Variants in IMMP2L observed in about 807,000 individuals in gnomAD.
The protein encoded by IMMP2L is mitochondrial inner membrane protease subunit 2.
In IMMP2L, 18 loss-of-function variants were observed where a neutral mutation model predicts 19.3. The observed-to-expected ratio is 0.93, with a 90% CI of 0.64 to 1.38. IMMP2L has a LOEUF of 1.38. Among genes scored for constraint, IMMP2L ranks in the 40% most tolerant of loss-of-function variants. The pLI, the probability that IMMP2L is intolerant of heterozygous loss-of-function variation, is 0.00. For missense variants in IMMP2L, 233 were observed against 218.2 expected, an observed-to-expected ratio of 1.07 and a Z score of -0.43; for synonymous variants, 76 against 73.0, an observed-to-expected ratio of 1.04 and a Z score of -0.21.
In IMMP2L at chr7:111,471,963, G is replaced by A. The variant is rs541647775; in HGVS notation, c.239+15275C>T. ...CAAAACCCAGACTAGAACCTAGTCC[G>A]TGGGTATTTCCTCTATTATTCCACC... On this transcript the variant is annotated intron_variant, in intron 3 of 5. Coordinates refer to ENST00000405709, the MANE Select transcript of IMMP2L (RefSeq NM_032549.4). Among the ~76,000 whole-genome samples the A allele has an allele frequency of 2.6e-4, 40 of 152,204 alleles. No homozygotes were observed. The South Asian group carries it at 3.5e-3, about 13-fold the overall frequency.
intron 3 of IMMP2L, among the ~76,000 whole-genome samples, chr7:111,339,897 T>C (rs1283572038): frequency 6.6e-6 from 1 of 152,012 alleles, no homozygotes; most frequent in African/African-American, 2.4e-5. Flanking sequence ...GGATGCTATG[T>C]TCCAAAACAC....
At chr7:111,275,523 C>T (rs545323611) in intron 3 of IMMP2L, among the ~76,000 whole-genome samples, 1 of 152,120 alleles carries the variant, frequency 6.6e-6, no homozygotes, top group Non-Finnish European at 1.5e-5. Context: ...TGTAATAATA[C>T]AAAATTCACT....
intron 3 of IMMP2L, among the ~76,000 whole-genome samples, chr7:111,238,257 A>G (rs1814575053): frequency 6.6e-6 from 1 of 152,072 alleles, no homozygotes; most frequent in South Asian, 2.1e-4. Flanking sequence ...TAGATGATGT[A>G]TTACAGGGTA....
chr7:111,435,489 A>T (rs763866733), intron 3 of IMMP2L, among the ~76,000 whole-genome samples: 8 of 151,896 alleles, frequency 5.3e-5, no homozygotes, highest in Non-Finnish European at 1.2e-4. Flanking sequence ...ACACATGGAC[A>T]TACAGAGTGG....
chr7:110,847,415 C>T (rs771614587), intron 5 of IMMP2L, among the ~76,000 whole-genome samples: 12 of 152,092 alleles, frequency 7.9e-5, no homozygotes, highest in Non-Finnish European at 1.3e-4. Context: ...ATTTAATACA[C>T]GCTCATTTGA....
intron 3 of IMMP2L, among the ~76,000 whole-genome samples, chr7:111,414,049 T>C (rs1834722120): frequency 6.6e-6 from 1 of 151,702 alleles, no homozygotes; most frequent in Non-Finnish European, 1.5e-5. Context: ...AACCAGCAGT[T>C]TCCCGGAAAG....
intron 1 of IMMP2L, among the ~76,000 whole-genome samples, chr7:111,522,020 G>T (rs12673731): frequency 1.3e-3 from 198 of 152,052 alleles, no homozygotes; most frequent in African/African-American, 4.5e-3. Flanking sequence ...GAGCAGGGGT[G>T]GCCATCTCAA....
intron 3 of IMMP2L, among the ~76,000 whole-genome samples, chr7:111,255,258 A>G (rs1816580199): frequency 1.3e-5 from 2 of 152,164 alleles, no homozygotes; most frequent in South Asian, 4.1e-4. Context: ...TGAAGTTCAA[A>G]TTGAATGTGT....
intron 1 of IMMP2L, among the ~76,000 whole-genome samples, chr7:111,524,578 A>T (rs1297774983): frequency 6.6e-6 from 1 of 152,132 alleles, no homozygotes; most frequent in African/African-American, 2.4e-5. Context: ...CAAACACTTC[A>T]GGTGATTCCC....
rs866437140 is a variant in IMMP2L, at chr7:110,818,440, C to T, written c.408+68153G>A. On this transcript the variant is annotated intron_variant, in intron 5 of 5. Coordinates refer to ENST00000405709, the MANE Select transcript of IMMP2L (RefSeq NM_032549.4). ...TACCATCTCACATCAGTTAGAATGG[C>T]GATCATTAAAAAGTCAGGAAACAAC... 3.2e-3 allele frequency among the ~76,000 whole-genome samples: 486 copies of T among 152,082 alleles called. 1 individual carries two copies. Among genetic ancestry groups the T allele is most frequent in the Middle Eastern group, 0.01 (3 of 294 alleles).
intron 3 of IMMP2L, among the ~76,000 whole-genome samples, chr7:111,257,559 A>G (rs1007554556): frequency 6.6e-6 from 1 of 152,130 alleles, no homozygotes; most frequent in Non-Finnish European, 1.5e-5. Context: ...TTAGTCCAAC[A>G]AAAGCTAGTT....
At chr7:111,370,255 G>A (rs1042982471) in intron 3 of IMMP2L, among the ~76,000 whole-genome samples, 1 of 151,952 alleles carries the variant, frequency 6.6e-6, no homozygotes, top group Non-Finnish European at 1.5e-5. Flanking sequence ...TTTCAATGGA[G>A]AGAGTCAGTG....
Position 111,559,713 on chromosome 7 carries a change from G to A in IMMP2L, c.-3+2138C>T, listed in dbSNP as rs146306258. ...ATGGGTGACCACATAGAAAAACAGG[G>A]AGGGAAATTTAAAAGTAAGTACTTC... On this transcript the variant is annotated intron_variant, in intron 1 of 5. Coordinates refer to ENST00000405709, the MANE Select transcript of IMMP2L (RefSeq NM_032549.4). 1.1e-4 allele frequency among the ~76,000 whole-genome samples: 17 copies of A among 152,140 alleles called. 1 individual carries two copies. The highest frequency in any genetic ancestry group is 3.8e-4 in the African/African-American group (16 of 41,568).
rs182839844 is a variant in IMMP2L, at chr7:111,495,923, T to A, written c.136-8582A>T. On this transcript the variant is annotated intron_variant, in intron 2 of 5. Coordinates refer to ENST00000405709, the MANE Select transcript of IMMP2L (RefSeq NM_032549.4). Reference sequence around the variant, plus strand: ...AAATATCAAACTTTGTGCTTTTAAGTGAGATGGAGCCCAGCTGCAGCCACA... The same window carrying A: ...AAATATCAAACTTTGTGCTTTTAAGAGAGATGGAGCCCAGCTGCAGCCACA... Among the ~76,000 whole-genome samples the A allele has an allele frequency of 1.8e-4, 28 of 152,188 alleles. No individual in the cohort carries two copies. In the East Asian group the frequency reaches 5.2e-3, roughly 28 times the overall value.
chr7:110,676,037 G>GA (rs993073089), intron 5 of IMMP2L, among the ~76,000 whole-genome samples: 11 of 152,036 alleles, frequency 7.2e-5, no homozygotes, highest in Admixed American at 2.0e-4. Context: ...TTTTGCAAAA[G>GA]AAAAAAATAA....
intron 3 of IMMP2L, among the ~76,000 whole-genome samples, chr7:111,379,364 A>C (rs1830986461): frequency 6.6e-6 from 1 of 151,864 alleles, no homozygotes; most frequent in Admixed American, 6.6e-5. Flanking sequence ...TAAATTATAT[A>C]TGTATTATGC....
At position 110,887,202 on chromosome 7, in the gene IMMP2L, C is replaced by A. The variant is rs532714861; in HGVS notation, c.306-507G>T. 2.6e-5 allele frequency among the ~76,000 whole-genome samples: 4 copies of A among 152,138 alleles called. No individual in the cohort carries two copies. In the South Asian group the frequency reaches 8.3e-4, roughly 32 times the overall value. ...TAAGAAATAAAGGAAAGAACATAAT[C>A]TGAATAACTTCTTGTTAGATACAAA... On this transcript the variant is annotated intron_variant, in intron 4 of 5. Coordinates refer to ENST00000405709, the MANE Select transcript of IMMP2L (RefSeq NM_032549.4).
intron 3 of IMMP2L, among the ~76,000 whole-genome samples, chr7:111,111,299 TAAAAAAA>T (rs751990466): frequency 2.2e-5 from 2 of 92,282 alleles, no homozygotes; most frequent in East Asian, 2.9e-4. Context: ...GTAGCAGTTG[TAAAAAAA>T]AAAAAAAAAA....
intron 3 of IMMP2L, among the ~76,000 whole-genome samples, chr7:111,068,972 G>A (rs1586065701): frequency 2.0e-5 from 3 of 152,100 alleles, no homozygotes; most frequent in Admixed American, 2.0e-4. Context: ...TGAGAGAGTC[G>A]CTTTTTACTC....
Sources: gnomAD v4.1 joint callset for allele counts (sites outside exome capture counted in the v4.1 genomes callset) on GRCh38, gnomAD v4.1.1 for gene constraint, MANE v1.5 for transcripts, NCBI Gene and HGNC (gene_info 2026-07-23, HGNC 2026-07-21) for gene names.